Variants in SASS6 observed in about 807,000 individuals in gnomAD.
SASS6 encodes SAS-6 centriolar assembly protein, also known as spindle assembly abnormal protein 6 homolog.
Under a neutral mutation model 94.9 loss-of-function variants are expected in SASS6, and 59 were observed. The ratio of observed to expected loss-of-function variants is 0.62; its 90% CI spans 0.50 to 0.77. The LOEUF is 0.77. Among genes scored for constraint, SASS6 ranks in the 30% least tolerant of loss-of-function variants. The pLI, the probability that SASS6 is intolerant of heterozygous loss-of-function variation, is 0.00. For synonymous variants in SASS6, 264 were observed against 270.0 expected (o/e 0.98, Z 0.22); for missense variants, 698 against 734.1 (o/e 0.95, Z 0.57).
intron 7 of SASS6, among the ~76,000 whole-genome samples, chr1:100,111,821 A>G (rs1230613058): frequency 6.6e-6 from 1 of 152,138 alleles, no homozygotes; most frequent in Non-Finnish European, 1.5e-5. Context: ...AAAACATTGA[A>G]GAAGCAACCA....
chr1:100,107,122 A>T (rs1286827063), intron 11 of SASS6, 129 bp from the exon 12 acceptor site: 1 of 608,084 alleles, frequency 1.6e-6, no homozygotes, highest in Non-Finnish European at 2.9e-6. Flanking sequence ...AGAATAAAGG[A>T]ATTAGCTCAA....
intron 1 of SASS6, among the ~76,000 whole-genome samples, chr1:100,127,830 G>A (rs1352563893): frequency 6.6e-6 from 1 of 150,816 alleles, no homozygotes; most frequent in African/African-American, 2.4e-5. Flanking sequence ...TCGTGGTGGG[G>A]TGGGGGAGGG....
intron 14 of SASS6, among the ~76,000 whole-genome samples, chr1:100,097,846 G>A (rs1168760333): frequency 6.6e-6 from 1 of 151,948 alleles, no homozygotes; most frequent in Non-Finnish European, 1.5e-5. Flanking sequence ...AAAGAAGAAA[G>A]ACACACAAAA....
In SASS6 at chr1:100,132,752, C is replaced by G; in HGVS notation, c.63G>C (p.Glu21Asp). ...GCACTGGATGACGCGGACCTTACCT[C>G]TCCTCACAGTCTTTGCATTTCACCT... ...PLQVKCKDCE[E>D]RRVSIRMSIE... The change falls in exon 1 of 17, where the codon GAG becomes GAC. Residue 21 changes from glutamate (E) to aspartate (D), a missense_variant and splice_region_variant. By Grantham distance (45) the Glu-to-Asp change is conservative (BLOSUM62 2). Transcript: ENST00000287482. 6.2e-7 allele frequency: 1 copy of G among 1,613,656 alleles called. No homozygotes were observed. The highest frequency in any genetic ancestry group is 8.5e-7 in the Non-Finnish European group (1 of 1,179,588).
At chr1:100,131,982 GA>G (rs746424897) in intron 1 of SASS6, among the ~76,000 whole-genome samples, 4 of 150,552 alleles carry the variant, frequency 2.7e-5, no homozygotes, top group African/African-American at 7.4e-5. Flanking sequence ...TTAGAACTGA[GA>G]AAAAAAAAGT....
Position 100,132,725 on chromosome 1 carries a change from G to C in SASS6, c.65+25C>G, listed in dbSNP as rs759645981. 3 of 1,602,514 alleles carry C rather than the reference G, an allele frequency of 1.9e-6. No individual in the cohort carries two copies. The South Asian group carries it at 3.3e-5, about 18-fold the overall frequency. ...TGGCCTGACCCCAACCGCCACCCGC[G>C]GGCACTGGATGACGCGGACCTTACC... is the stretch of plus-strand genomic sequence containing the variant. On this transcript the variant is annotated intron_variant, in intron 1 of 16. Coordinates refer to ENST00000287482, the MANE Select transcript of SASS6 (RefSeq NM_194292.3).
At chr1:100,103,535 T>G (rs1286346561) in intron 13 of SASS6, among the ~76,000 whole-genome samples, 1 of 152,214 alleles carries the variant, frequency 6.6e-6, no homozygotes. Flanking sequence ...TAATTTTCAA[T>G]ATACTGGCAC....
intron 14 of SASS6, among the ~76,000 whole-genome samples, chr1:100,094,075 G>C (rs1651946589): frequency 6.6e-6 from 1 of 152,018 alleles, no homozygotes; most frequent in South Asian, 2.1e-4. Flanking sequence ...TTACCAAACT[G>C]ATTTTTCAAA....
chr1:100,093,183 T>C (rs997149715), intron 14 of SASS6, among the ~76,000 whole-genome samples: 21 of 139,356 alleles, frequency 1.5e-4, no homozygotes, highest in Admixed American at 7.8e-4. Flanking sequence ...TCTTTTTTTT[T>C]TTTTTTTTTT....
At position 100,085,120 on chromosome 1, in the gene SASS6, G is replaced by A; in HGVS notation, c.*208C>T. 2 of 484,422 alleles carry A rather than the reference G, an allele frequency of 4.1e-6. No individual in the cohort carries two copies. Among genetic ancestry groups the A allele is most frequent in the Middle Eastern group, 5.5e-4 (1 of 1,826 alleles). The allele number at this position is 484,422 out of a possible 1,614,324, so 30.0% of individuals were successfully genotyped here. A position where few individuals can be genotyped will look rare whatever the true frequency, so the allele number is the denominator to read the frequency against. On this transcript the variant is annotated 3_prime_UTR_variant, in exon 17 of 17. Coordinates refer to ENST00000287482, the MANE Select transcript of SASS6 (RefSeq NM_194292.3). The stretch of plus-strand genomic sequence containing the variant: ...ACGCCATGTTCACAAACCAAAAAAT[G>A]TCATTTACTCACAATCTTTACCAAT...
intron 3 of SASS6, 149 bp downstream of exon 3, chr1:100,123,061 A>G: frequency 2.3e-6 from 1 of 436,354 alleles, no homozygotes; most frequent in South Asian, 4.1e-5. Context: ...ATTTTCCAAA[A>G]CACCCTAAGT....
chr1:100,085,967 T>C (rs1420105470), intron 15 of SASS6, among the ~76,000 whole-genome samples: 2 of 152,164 alleles, frequency 1.3e-5, no homozygotes, highest in Non-Finnish European at 2.9e-5. Context: ...CACTATTAAT[T>C]TCTAACTCAT....
At chr1:100,126,401 C>T (rs1036507650) in intron 1 of SASS6, among the ~76,000 whole-genome samples, 10 of 152,282 alleles carry the variant, frequency 6.6e-5, no homozygotes, top group African/African-American at 2.4e-4. Context: ...GACAAACCAC[C>T]AATTTAGTAA....
chr1:100,100,638 A>G (rs1652408650), intron 14 of SASS6, among the ~76,000 whole-genome samples: 3 of 152,356 alleles, frequency 2.0e-5, no homozygotes, highest in Middle Eastern at 6.8e-3. Context: ...CAAATTTCTC[A>G]TGTTATTTTA....
intron 7 of SASS6, among the ~76,000 whole-genome samples, 190 bp from the exon 8 acceptor site, chr1:100,110,673 A>C (rs1653257622): frequency 6.6e-6 from 1 of 151,972 alleles, no homozygotes; most frequent in African/African-American, 2.4e-5. Context: ...TTCATGACGG[A>C]GAAAGCAAGG....
chr1:100,097,037 C>A (rs187902306), intron 14 of SASS6, among the ~76,000 whole-genome samples: 8 of 152,264 alleles, frequency 5.3e-5, no homozygotes, highest in Admixed American at 3.9e-4. Context: ...ATTGCTTGAA[C>A]CCTGAAGGTG....
rs1275135505 is a variant in SASS6 at position 100,132,901 on chromosome 1, G to A, written c.-87C>T. On this transcript the variant is annotated 5_prime_UTR_variant, in exon 1 of 17. Transcript: ENST00000287482. ...CCTGAGAGGTCCGGGTCCTGATAAA[G>A]TTTGAGTTTGGCGCTCGGCTTCTGC... 1.5e-6 allele frequency: 2 copies of A among 1,324,018 alleles called. No individual in the cohort carries two copies. The highest frequency in any genetic ancestry group is 1.8e-4 in the Middle Eastern group (1 of 5,494). 82.0% of individuals were successfully genotyped at this position (1,324,018 alleles called of 1,614,324 possible). A position where few individuals can be genotyped will look rare whatever the true frequency, so the allele number is the denominator to read the frequency against.
chr1:100,132,892 C>G lies in SASS6; in HGVS notation c.-78G>C, dbSNP rs754738265. 7.3e-7 allele frequency: 1 copy of G among 1,375,530 alleles called. No individual in the cohort carries two copies. The highest frequency in any genetic ancestry group is 1.2e-5 in the South Asian group (1 of 85,028). 85.2% of individuals were successfully genotyped at this position (1,375,530 alleles called of 1,614,324 possible). On this transcript the variant is annotated 5_prime_UTR_variant, in exon 1 of 17. Coordinates refer to ENST00000287482, the MANE Select transcript of SASS6 (RefSeq NM_194292.3). ...CGGGATTAGCCTGAGAGGTCCGGGT[C>G]CTGATAAAGTTTGAGTTTGGCGCTC...
At chr1:100,113,730 T>G (rs1016152312) in intron 7 of SASS6, among the ~76,000 whole-genome samples, 2 of 150,164 alleles carry the variant, frequency 1.3e-5, no homozygotes, top group African/African-American at 4.9e-5. Flanking sequence ...GAAAAACTAG[T>G]TCTTCGAAAA....
Sources: gnomAD v4.1 joint callset for allele counts (sites outside exome capture counted in the v4.1 genomes callset) on GRCh38, gnomAD v4.1.1 for gene constraint, MANE v1.5 for transcripts, NCBI Gene and HGNC (gene_info 2026-07-23, HGNC 2026-07-21) for gene names.